SNRPN: variants seen among roughly 807,000 people sequenced by gnomAD.
SNRPN encodes the protein small nuclear ribonucleoprotein polypeptide N.
A neutral mutation model predicts 25.2 loss-of-function variants in SNRPN; 7 were observed. The ratio of observed to expected loss-of-function variants is 0.28; its 90% CI spans 0.16 to 0.52. SNRPN has a LOEUF of 0.52. SNRPN is among the 20% of genes least tolerant of loss of function. The pLI is 0.96. For missense variants in SNRPN, 196 were observed against 322.5 expected, an observed-to-expected ratio of 0.61 and a Z score of 3.00; for synonymous variants, 124 against 110.6, an observed-to-expected ratio of 1.12 and a Z score of -0.76.
At chr15:24,840,870 G>A (rs2051629767) in intron 2 of SNRPN, among the ~76,000 whole-genome samples, 1 of 151,906 alleles carries the variant, frequency 6.6e-6, no homozygotes, top group Non-Finnish European at 1.5e-5. Context: ...TTTTCGAGAC[G>A]GAGTCTTGCT....
intron 1 of SNRPN, among the ~76,000 whole-genome samples, chr15:24,827,904 A>C (rs1217490164): frequency 1.3e-5 from 2 of 151,684 alleles, no homozygotes; most frequent in Admixed American, 6.6e-5. Context: ...TAATGACATT[A>C]TGATTGCTAC....
chr15:24,845,641 T>C (rs1442097448), intron 2 of SNRPN, among the ~76,000 whole-genome samples: 2 of 151,866 alleles, frequency 1.3e-5, no homozygotes, highest in Admixed American at 1.3e-4. Flanking sequence ...AAGTAGTGAG[T>C]CCCCCAATAT....
At chr15:24,870,080 A>T (rs903910362) in intron 1 of SNRPN, among the ~76,000 whole-genome samples, 16 of 152,096 alleles carry the variant, frequency 1.1e-4, no homozygotes, top group African/African-American at 3.4e-4. Context: ...AAATAGCCAC[A>T]TTATTTTGGT....
intron 2 of SNRPN, among the ~76,000 whole-genome samples, chr15:24,843,557 C>G (rs1009197870): frequency 6.6e-5 from 10 of 151,794 alleles, no homozygotes; most frequent in African/African-American, 2.4e-4. Context: ...CTGAGGCAGG[C>G]GGATCACCTG....
intron 1 of SNRPN, among the ~76,000 whole-genome samples, chr15:24,884,016 A>G (rs1160711874): frequency 6.9e-6 from 1 of 145,578 alleles, no homozygotes; most frequent in Non-Finnish European, 1.5e-5. Context: ...AAAAAAAAAA[A>G]AAAAAGAATG....
rs934493485 is a variant in SNRPN at position 24,958,124 on chromosome 15, G to A, written c.-391+3062G>A. ...TCTATCTGACCAGTGTGTCATTGCC[G>A]AAATGTTTTCCACATTTATAGTTAC... is the stretch of plus-strand genomic sequence containing the variant. On this transcript the variant is annotated intron_variant, in intron 1 of 9. Transcript: ENST00000390687. Among the ~76,000 whole-genome samples the A allele has an allele frequency of 2.6e-5, 4 of 152,128 alleles. No individual in the cohort carries two copies. In the South Asian group the frequency reaches 6.2e-4, roughly 24 times the overall value.
chr15:24,974,850 CACTGTGCCTGGCCATGAGAAA>C, intron 4 of SNRPN: 1 of 694,440 alleles, frequency 1.4e-6, no homozygotes, highest in Non-Finnish European at 2.6e-6. Context: ...TGAGATGAGC[CACTGTGCCTGGCCATGAGAAA>C]TGTTTCATGA....
chr15:24,925,496 C>G (rs766355222), intron 3 of SNRPN, among the ~76,000 whole-genome samples: 3 of 152,122 alleles, frequency 2.0e-5, no homozygotes, highest in African/African-American at 2.4e-5. Flanking sequence ...CAACACTTCC[C>G]TGGCTCCACA....
rs184312431 is a variant in SNRPN at position 24,898,858 on chromosome 15, G to A, written c.-505+12269G>A. Reference sequence around the variant, plus strand: ...AAACTGGGACCAGGGGCCAATGCTAGTATGGAGGCTGCGAAGGCCCCAAGC... The same window carrying A: ...AAACTGGGACCAGGGGCCAATGCTAATATGGAGGCTGCGAAGGCCCCAAGC... On this transcript the variant is annotated intron_variant, in intron 2 of 11. Transcript: ENST00000400097. 5.9e-4 allele frequency among the ~76,000 whole-genome samples: 90 copies of A among 152,274 alleles called. No individual in the cohort carries two copies. The Middle Eastern group carries it at 0.017, about 29-fold the overall frequency.
chr15:24,917,726 G>A (rs1026957772), intron 2 of SNRPN, among the ~76,000 whole-genome samples: 3 of 152,224 alleles, frequency 2.0e-5, no homozygotes, highest in Non-Finnish European at 4.4e-5. Context: ...CCGCAGCCAC[G>A]GGAAGCCCGT....
intron 3 of SNRPN, among the ~76,000 whole-genome samples, chr15:24,970,886 A>G (rs968374441): frequency 3.9e-5 from 6 of 152,086 alleles, no homozygotes; most frequent in Non-Finnish European, 8.8e-5. Context: ...ATTATTGTGT[A>G]TTAATATTTT....
chr15:24,966,692 T>C (rs1298645287), intron 2 of SNRPN, among the ~76,000 whole-genome samples: 1 of 152,198 alleles, frequency 6.6e-6, no homozygotes, highest in African/African-American at 2.4e-5. Context: ...ATAGGATGTA[T>C]AGGTTACTTC....
At chr15:24,866,218 CT>C (rs2054555570) in intron 1 of SNRPN, among the ~76,000 whole-genome samples, 4 of 84,896 alleles carry the variant, frequency 4.7e-5, no homozygotes, top group African/African-American at 2.3e-4. Context: ...CATCTATTTA[CT>C]TTCAGTTAAT....
chr15:24,858,745 G>A (rs564800898), intron 1 of SNRPN, among the ~76,000 whole-genome samples: 1 of 152,226 alleles, frequency 6.6e-6, no homozygotes, highest in South Asian at 2.1e-4. Flanking sequence ...AGGTTGCAGT[G>A]AGTCAACATC....
At chr15:24,937,664 G>T (rs936765269) in intron 3 of SNRPN, among the ~76,000 whole-genome samples, 1 of 152,120 alleles carries the variant, frequency 6.6e-6, no homozygotes, top group South Asian at 2.1e-4. Flanking sequence ...CGTTTCAGGG[G>T]CACTAAGTGC....
At chr15:24,902,055 T>C (rs2058493368) in intron 2 of SNRPN, among the ~76,000 whole-genome samples, 1 of 152,226 alleles carries the variant, frequency 6.6e-6, no homozygotes, top group Non-Finnish European at 1.5e-5. Context: ...TGGTATTGCA[T>C]AAATGCTTAA....
At chr15:24,859,395 G>A (rs185927366) in intron 1 of SNRPN, among the ~76,000 whole-genome samples, 7 of 152,160 alleles carry the variant, frequency 4.6e-5, no homozygotes, top group East Asian at 3.9e-4. Context: ...CTAGAGGAAC[G>A]CATTCTCTAG....
intron 2 of SNRPN, among the ~76,000 whole-genome samples, chr15:24,918,237 C>T (rs1235513731): frequency 6.6e-6 from 1 of 150,638 alleles, no homozygotes; most frequent in African/African-American, 2.4e-5. Flanking sequence ...AGGACTTTTA[C>T]AGCAAATTTG....
chr15:24,875,300 G>C (rs1467942925), intron 1 of SNRPN, among the ~76,000 whole-genome samples: 1 of 152,126 alleles, frequency 6.6e-6, no homozygotes, highest in Admixed American at 6.5e-5. Context: ...AAAAACCTGA[G>C]CTTGACTTTG....
Sources: gnomAD v4.1 joint callset for allele counts (sites outside exome capture counted in the v4.1 genomes callset) on GRCh38, gnomAD v4.1.1 for gene constraint, MANE v1.5 for transcripts, NCBI Gene and HGNC (gene_info 2026-07-23, HGNC 2026-07-21) for gene names.